The following UNC5B variants were observed in gnomAD, a reference collection of about 807,000 sequenced individuals.
UNC5B encodes netrin receptor UNC5B.
Under a neutral mutation model 103.7 loss-of-function variants are expected in UNC5B, and 56 were observed. The observed-to-expected ratio is 0.54, with a 90% CI of 0.44 to 0.67. The LOEUF is 0.67. UNC5B is among the 30% of genes least tolerant of loss of function. UNC5B has a pLI of 0.00. For missense variants in UNC5B, 1,194 were observed against 1,284.5 expected (o/e 0.93, Z 1.08); for synonymous variants, 577 against 542.0 (o/e 1.06, Z -0.90).
intron 1 of UNC5B, among the ~76,000 whole-genome samples, chr10:71,228,883 G>A (rs1843624988): frequency 6.6e-6 from 1 of 152,194 alleles, no homozygotes; most frequent in African/African-American, 2.4e-5. Flanking sequence ...CCCTAATCTA[G>A]CTTTTAGTGT....
intron 13 of UNC5B, 26 bp downstream of exon 13, chr10:71,293,959 C>G (rs1845342008): frequency 1.3e-6 from 2 of 1,549,846 alleles, no homozygotes; most frequent in Non-Finnish European, 1.7e-6. Flanking sequence ...GGTGCCCACA[C>G]AGCCCTGGCC....
At chr10:71,288,431 A>T in intron 6 of UNC5B, 137 bp from the exon 7 acceptor site, 1 of 1,294,676 alleles carries the variant, frequency 7.7e-7, no homozygotes. Context: ...TGTGGCACAC[A>T]TGTGTTCTGG....
chr10:71,217,473 C>T (rs944092604), intron 1 of UNC5B: 6 of 152,160 alleles, frequency 3.9e-5, no homozygotes, highest in African/African-American at 1.4e-4. Flanking sequence ...GGGAAGCTGG[C>T]ATCCCGGCGC....
intron 1 of UNC5B, among the ~76,000 whole-genome samples, chr10:71,229,134 CGCTAAAGA>C (rs1374816642): frequency 6.6e-6 from 1 of 152,248 alleles, no homozygotes; most frequent in Non-Finnish European, 1.5e-5. Context: ...ATTGTTGTCT[CGCTAAAGA>C]GCTGTTGATT....
intron 1 of UNC5B, among the ~76,000 whole-genome samples, chr10:71,264,168 C>T (rs1008196424): frequency 2.6e-5 from 4 of 152,170 alleles, no homozygotes; most frequent in African/African-American, 9.7e-5. Flanking sequence ...AACTGTCTGA[C>T]TTTGTACAAC....
At chr10:71,243,645 A>G (rs868556811) in intron 1 of UNC5B, among the ~76,000 whole-genome samples, 1 of 152,152 alleles carries the variant, frequency 6.6e-6, no homozygotes, top group Admixed American at 6.5e-5. Context: ...GGGCTTGGGA[A>G]GCCTTCGCCA....
rs562294372 is a variant in UNC5B, at chr10:71,263,157, C to G, written c.80-16664C>G. Among the ~76,000 whole-genome samples, 5 of 152,236 alleles carry G rather than the reference C, an allele frequency of 3.3e-5. No individual in the cohort carries two copies. The East Asian group carries it at 5.8e-4, about 18-fold the overall frequency. On this transcript the variant is annotated intron_variant, in intron 1 of 16. Transcript: ENST00000335350. ...CCTACGTTCTGAGGTGTCCCCACAC[C>G]GGGGTGGAGGCAGTGGGGTTTCTCC...
intron 2 of UNC5B, among the ~76,000 whole-genome samples, chr10:71,280,510 G>A (rs1184233265): frequency 6.6e-6 from 1 of 152,200 alleles, no homozygotes; most frequent in Non-Finnish European, 1.5e-5. Context: ...ATTGTTTTAG[G>A]TTAAAAAGAA....
chr10:71,296,495 C>A, intron 14 of UNC5B, 83 bp from the exon 15 acceptor site: 1 of 1,516,980 alleles, frequency 6.6e-7, no homozygotes, highest in South Asian at 1.2e-5. Flanking sequence ...CCCCAAAGCT[C>A]CCAACCCTCC....
rs1844880290 is a variant in UNC5B, at chr10:71,279,975, C to T, written c.234C>T (p.Tyr78=). ...GCGCCTTCCCCGCCACACAGATCTA[C>T]TTCAAGTGCAACGGCGAGTGGGTCA... is the stretch of plus-strand genomic sequence containing the variant. ...RCRAFPATQI[Y]FKCNGEWVSQ... Residue 78 remains tyrosine (Y), a synonymous_variant, in exon 2 of 17, where the codon TAC becomes TAT. Coordinates refer to ENST00000335350, the MANE Select transcript of UNC5B (RefSeq NM_170744.5). 1 of 1,614,052 alleles carries T rather than the reference C, an allele frequency of 6.2e-7. No homozygotes were observed. Among genetic ancestry groups the T allele is most frequent in the Admixed American group, 1.7e-5 (1 of 60,016 alleles).
intron 1 of UNC5B, among the ~76,000 whole-genome samples, chr10:71,233,778 G>C (rs1939116895): frequency 6.6e-6 from 1 of 152,260 alleles, no homozygotes; most frequent in South Asian, 2.1e-4. Flanking sequence ...CCCAGCACCA[G>C]ACAGAAGCCT....
rs1158860512 is a variant in UNC5B at position 71,287,515 on chromosome 10, C to T, written c.734-83C>T. On this transcript the variant is annotated intron_variant, in intron 5 of 16. Coordinates refer to ENST00000335350, the MANE Select transcript of UNC5B (RefSeq NM_170744.5). ...GGAAGGCCAGGCTTCAGCAGAGGGG[C>T]CTCGTCAGGGTGAGGGACGGGTTTG... The T allele has an allele frequency of 3.4e-6, 5 of 1,489,008 alleles. No individual in the cohort carries two copies. The East Asian group carries it at 1.2e-4, about 35-fold the overall frequency. 92.2% of individuals were successfully genotyped at this position (1,489,008 alleles called of 1,614,324 possible).
At chr10:71,279,489 C>G (rs1341071733) in intron 1 of UNC5B, among the ~76,000 whole-genome samples, 2 of 152,186 alleles carry the variant, frequency 1.3e-5, no homozygotes, top group African/African-American at 4.8e-5. Flanking sequence ...GTGGGGGGGC[C>G]CAAGGGGTGT....
rs1029887553 is a variant in UNC5B at position 71,298,179 on chromosome 10, G to A, written c.2672+89G>A. Reference sequence around the variant, plus strand: ...GCAGGGCAGGCAGCCTGACAGCCACGACCATCTCCCAGACCAGCTGCCCTT... The same window carrying A: ...GCAGGGCAGGCAGCCTGACAGCCACAACCATCTCCCAGACCAGCTGCCCTT... On this transcript the variant is annotated intron_variant, in intron 16 of 16. Coordinates refer to ENST00000335350, the MANE Select transcript of UNC5B (RefSeq NM_170744.5). The A allele has an allele frequency of 2.8e-5, 41 of 1,449,948 alleles. No individual in the cohort carries two copies. The East Asian group carries it at 3.6e-4, about 13-fold the overall frequency. The allele number at this position is 1,449,948 out of a possible 1,614,324, so 89.8% of individuals were successfully genotyped here. A position where few individuals can be genotyped will look rare whatever the true frequency, so the allele number is the denominator to read the frequency against.
chr10:71,218,522 T>A (rs1243333742), intron 1 of UNC5B, among the ~76,000 whole-genome samples: 1 of 152,188 alleles, frequency 6.6e-6, no homozygotes, highest in African/African-American at 2.4e-5. Flanking sequence ...CAGGTTCTGC[T>A]GTTGGAAGGG....
intron 14 of UNC5B, 123 bp from the exon 15 acceptor site, chr10:71,296,455 C>T (rs1589207413): frequency 8.7e-7 from 1 of 1,152,160 alleles, no homozygotes; most frequent in East Asian, 2.6e-5. Flanking sequence ...CTTGACCCCT[C>T]CCTATCTGGG....
chr10:71,291,239 T>A, intron 9 of UNC5B, 130 bp downstream of exon 9: 2 of 1,338,930 alleles, frequency 1.5e-6, no homozygotes, highest in Non-Finnish European at 2.0e-6. Context: ...TAGAGATAAC[T>A]ATGTGGATGG....
chr10:71,287,692 C>A lies in UNC5B; in HGVS notation c.828C>A (p.Pro276=). The change falls in exon 6 of 17, where the codon CCC becomes CCA. Residue 276 remains proline (P), a synonymous_variant. Transcript: ENST00000335350. The stretch of plus-strand genomic sequence containing the variant: ...AGCGCACCCGGACCTGCACCAACCC[C>A]GCTCCACTCAACGGAGGGGCCTTCT... ...WQKRTRTCTN[P]APLNGGAFCE... 6.2e-7 allele frequency: 1 copy of A among 1,613,314 alleles called. No homozygotes were observed. The highest frequency in any genetic ancestry group is 1.1e-5 in the South Asian group (1 of 90,982).
chr10:71,287,822 T>A, intron 6 of UNC5B, 57 bp downstream of exon 6: 1 of 1,576,622 alleles, frequency 6.3e-7, no homozygotes, highest in Non-Finnish European at 8.6e-7. Context: ...CCTTCTGTTT[T>A]GTGTGCCAGA....
Sources: gnomAD v4.1 joint callset for allele counts (sites outside exome capture counted in the v4.1 genomes callset) on GRCh38, gnomAD v4.1.1 for gene constraint, MANE v1.5 for transcripts, NCBI Gene and HGNC (gene_info 2026-07-23, HGNC 2026-07-21) for gene names.